The following PIK3R1 variants were observed in gnomAD, a reference collection of about 807,000 sequenced individuals.
PIK3R1 encodes phosphoinositide-3-kinase regulatory subunit 1, also known as phosphatidylinositol 3-kinase regulatory subunit alpha.
A neutral mutation model predicts 98.0 loss-of-function variants in PIK3R1; 29 were observed. The observed-to-expected ratio is 0.30, with a 90% CI of 0.22 to 0.40. The LOEUF (loss-of-function observed/expected upper bound fraction) is 0.40. Among genes scored for constraint, PIK3R1 ranks in the 10% least tolerant of loss-of-function variants. The pLI is 1.00. For missense variants in PIK3R1, 596 were observed against 872.7 expected (o/e 0.68, Z 3.99); for synonymous variants, 282 against 311.8 (o/e 0.90, Z 1.01).
At position 68,279,617 on chromosome 5, in the gene PIK3R1, A is replaced by G. The variant is rs1349035827; in HGVS notation, c.518A>G (p.Asp173Gly). The change falls in exon 5 of 16, where the codon GAC becomes GGC. Residue 173 changes from aspartate to glycine, a missense_variant. Asp to Gly is a moderately conservative substitution (Grantham distance 94). This residue lies in a region of PIK3R1 where 352 missense variants were observed against 393.3 expected (regional missense o/e 0.90). Transcript: ENST00000521381. Reference protein sequence around the residue: ...QLLDCDTPSVDLEMIDVHVLA... With the variant: ...QLLDCDTPSVGLEMIDVHVLA... ...TGTTTCCTAGATACACCCTCCGTGGACTTGGAAATGATCGATGTGCACGTT... is the reference window on the plus strand; with the variant it reads ...TGTTTCCTAGATACACCCTCCGTGGGCTTGGAAATGATCGATGTGCACGTT... The G allele has an allele frequency of 1.9e-6, 3 of 1,613,496 alleles. No individual in the cohort carries two copies. Among genetic ancestry groups the G allele is most frequent in the East Asian group, 2.2e-5 (1 of 44,876 alleles).
chr5:68,240,012 CT>C (rs1324475685), intron 2 of PIK3R1: 2 of 472,228 alleles, frequency 4.2e-6, no homozygotes, highest in Non-Finnish European at 8.5e-6. Context: ...AAAATTTTAA[CT>C]TTCAGTGTAG....
At chr5:68,246,068 T>A (rs967932184) in intron 2 of PIK3R1, among the ~76,000 whole-genome samples, 4 of 152,204 alleles carry the variant, frequency 2.6e-5, no homozygotes, top group Non-Finnish European at 5.9e-5. Flanking sequence ...CTTGAGACAG[T>A]TTCCATTGCA....
chr5:68,289,636 A>G (rs1216297761), intron 7 of PIK3R1, among the ~76,000 whole-genome samples: 1 of 151,858 alleles, frequency 6.6e-6, no homozygotes, highest in African/African-American at 2.4e-5. Context: ...GTAGGCTCCT[A>G]TAAGGGTGAC....
chr5:68,217,600 G>A (rs983697340), intron 1 of PIK3R1: 2 of 150,988 alleles, frequency 1.3e-5, no homozygotes, highest in African/African-American at 4.9e-5. Context: ...TTTTTGACCA[G>A]TATAAAGAAA....
At chr5:68,255,704 A>G (rs746688162) in intron 2 of PIK3R1, among the ~76,000 whole-genome samples, 55 of 152,238 alleles carry the variant, frequency 3.6e-4, no homozygotes, top group Non-Finnish European at 7.8e-4. Context: ...ACGGCTATCA[A>G]TGTGAAAAAG....
chr5:68,260,853 A>C lies in PIK3R1; in HGVS notation c.335-12537A>C, dbSNP rs115499317. Reference sequence around the variant, plus strand: ...CTTTGGAATACATTTAAGAACATGGAATTAGTTGTCTTTTGTTAGATCCAC... The same window carrying C: ...CTTTGGAATACATTTAAGAACATGGCATTAGTTGTCTTTTGTTAGATCCAC... On this transcript the variant is annotated intron_variant, in intron 2 of 15. Coordinates refer to ENST00000521381, the MANE Select transcript of PIK3R1 (RefSeq NM_181523.3). Among the ~76,000 whole-genome samples the C allele has an allele frequency of 1.9e-3, 283 of 152,304 alleles. 2 individuals carry two copies. The highest frequency in any genetic ancestry group is 6.3e-3 in the African/African-American group (263 of 41,568).
intron 7 of PIK3R1, chr5:68,288,414 C>T: frequency 8.2e-7 from 1 of 1,220,582 alleles, no homozygotes; most frequent in Non-Finnish European, 1.0e-6. Context: ...CCTTTCCTCC[C>T]CGATACAGTA....
rs72757674 is a variant in PIK3R1 at position 68,256,047 on chromosome 5, G to C, written c.335-17343G>C. Among the ~76,000 whole-genome samples the C allele has an allele frequency of 9.8e-3, 1,492 of 152,248 alleles. 10 individuals are homozygous for C. The highest frequency in any genetic ancestry group is 0.02 in the Middle Eastern group (6 of 294). ...CAAAAATCTTTAACATCAAGTATCTGTTTATTCAAAATAGTGCATAGTTCA... is the reference window on the plus strand; with the variant it reads ...CAAAAATCTTTAACATCAAGTATCTCTTTATTCAAAATAGTGCATAGTTCA... On this transcript the variant is annotated intron_variant, in intron 2 of 15. Coordinates refer to ENST00000521381, the MANE Select transcript of PIK3R1 (RefSeq NM_181523.3).
At chr5:68,272,157 G>T (rs10940161) in intron 2 of PIK3R1, among the ~76,000 whole-genome samples, 13 of 151,178 alleles carry the variant, frequency 8.6e-5, no homozygotes, top group South Asian at 2.1e-4. Flanking sequence ...GGAGGCTGGG[G>T]GGGGAGGATC....
At position 68,279,710 on chromosome 5, in the gene PIK3R1, G is replaced by C; in HGVS notation, c.611G>C (p.Ser204Thr). The change falls in exon 5 of 16, where the codon AGT (serine) becomes ACT (threonine). Residue 204 changes from serine to threonine, a missense_variant. Coordinates refer to ENST00000521381, the MANE Select transcript of PIK3R1 (RefSeq NM_181523.3). ...CCTGTCATTCCAGCAGCCGTTTACA[G>C]TGAAATGATTTCTTTAGCTCCAGGT... ...PNPVIPAAVY[S>T]EMISLAPEVQ... The C allele has an allele frequency of 6.2e-7, 1 of 1,614,146 alleles. No homozygotes were observed. Among genetic ancestry groups the C allele is most frequent in the Non-Finnish European group, 8.5e-7 (1 of 1,180,006 alleles).
intron 2 of PIK3R1, among the ~76,000 whole-genome samples, chr5:68,271,123 C>T (rs941651178): frequency 2.6e-5 from 4 of 152,128 alleles, no homozygotes; most frequent in Non-Finnish European, 5.9e-5. Flanking sequence ...GTTACTAGCC[C>T]ATTCCTGGAT....
At chr5:68,249,790 A>G (rs1456527583) in intron 2 of PIK3R1, among the ~76,000 whole-genome samples, 2 of 152,150 alleles carry the variant, frequency 1.3e-5, no homozygotes, top group African/African-American at 4.8e-5. Context: ...GTTAACATAG[A>G]TACTTTCTCA....
rs1382980983 is a variant in PIK3R1 at position 68,262,836 on chromosome 5, T to TATACATGTAG, written c.335-10534_335-10525dup. On this transcript the variant is annotated intron_variant, in intron 2 of 15. Transcript: ENST00000521381. ...ACATGTAGATACATGTAGATACATGTATACATGTAGATACATGTAGATACA... is the reference window on the plus strand; with the variant it reads ...ACATGTAGATACATGTAGATACATGTATACATGTAGATACATGTAGATACATGTAGATACA... Among the ~76,000 whole-genome samples the TATACATGTAG allele has an allele frequency of 2.0e-4, 23 of 116,230 alleles. 3 individuals are homozygous for TATACATGTAG. The highest frequency in any genetic ancestry group is 3.9e-4 in the Admixed American group (5 of 12,790). 76.3% of individuals were successfully genotyped at this position (116,230 alleles called of 152,430 possible).
In PIK3R1 at chr5:68,273,514, T is replaced by C. The variant is rs3730078; in HGVS notation, c.427+32T>C. ...AGACTGCTAGAGGGCATCAGTTCCT[T>C]TGTTCTACCCTTATTTCATGGCTCT... On this transcript the variant is annotated intron_variant, in intron 3 of 15. Coordinates refer to ENST00000521381, the MANE Select transcript of PIK3R1 (RefSeq NM_181523.3). 22,417 of 1,513,006 alleles carry C rather than the reference T, an allele frequency of 0.015. 269 individuals are homozygous for C. The highest frequency in any genetic ancestry group is 0.028 in the Middle Eastern group (166 of 5,870). 93.7% of individuals were successfully genotyped at this position (1,513,006 alleles called of 1,614,324 possible). A position where few individuals can be genotyped will look rare whatever the true frequency, so the allele number is the denominator to read the frequency against.
rs1456212392 is a variant in PIK3R1 at position 68,299,646 on chromosome 5, A to G, written c.*2045A>G. 1 of 233,120 alleles carries G rather than the reference A, an allele frequency of 4.3e-6. No homozygotes were observed. The highest frequency in any genetic ancestry group is 5.6e-5 in the Admixed American group (1 of 17,788). The allele number at this position is 233,120 out of a possible 1,614,324, so 14.4% of individuals were successfully genotyped here. A position where few individuals can be genotyped will look rare whatever the true frequency, so the allele number is the denominator to read the frequency against. Reference sequence around the variant, plus strand: ...TTTCAAATTACTCTTTCTCCATATTAGATTTACCCACAGCTATATTTCTGT... The same window carrying G: ...TTTCAAATTACTCTTTCTCCATATTGGATTTACCCACAGCTATATTTCTGT... On this transcript the variant is annotated 3_prime_UTR_variant, in exon 16 of 16. Coordinates refer to ENST00000521381, the MANE Select transcript of PIK3R1 (RefSeq NM_181523.3).
intron 7 of PIK3R1, among the ~76,000 whole-genome samples, chr5:68,281,909 C>T (rs569467565): frequency 6.6e-6 from 1 of 152,220 alleles, no homozygotes; most frequent in African/African-American, 2.4e-5. Context: ...ATTGCACAGC[C>T]AGGCTTGGTT....
chr5:68,281,219 T>A (rs1361104941), intron 7 of PIK3R1, among the ~76,000 whole-genome samples: 1 of 152,214 alleles, frequency 6.6e-6, no homozygotes. Context: ...TTTTAAATTA[T>A]CTTGGTTTTA....
intron 7 of PIK3R1, chr5:68,288,754 A>G: frequency 6.2e-7 from 1 of 1,613,440 alleles, no homozygotes. Context: ...CCTGCAAAGT[A>G]AGTTGCCTTG....
chr5:68,220,017 A>G (rs1465844026), intron 1 of PIK3R1, among the ~76,000 whole-genome samples: 2 of 152,212 alleles, frequency 1.3e-5, no homozygotes, highest in Admixed American at 6.5e-5. Context: ...TGCCTGGCAC[A>G]TAGTAAGTAC....
Sources: gnomAD v4.1 joint callset for allele counts (sites outside exome capture counted in the v4.1 genomes callset) on GRCh38, gnomAD v4.1.1 for gene constraint, gnomAD v4.1.1 regional missense constraint, MANE v1.5 for transcripts, NCBI Gene and HGNC (gene_info 2026-07-23, HGNC 2026-07-21) for gene names.